Variants in HSPA4 observed in about 807,000 individuals in gnomAD.
The protein encoded by HSPA4 is heat shock 70 kDa protein 4.
Under a neutral mutation model 106.2 loss-of-function variants are expected in HSPA4, and 25 were observed. The ratio of observed to expected loss-of-function variants is 0.24; its 90% CI spans 0.17 to 0.33. HSPA4 has a LOEUF of 0.33. Ranked by LOEUF, HSPA4 falls within the 10% of genes least tolerant of loss-of-function variation. The pLI is 1.00. For missense variants in HSPA4, 841 were observed against 996.0 expected (o/e 0.84, Z 2.10); for synonymous variants, 332 against 333.6 (o/e 1.00, Z 0.05).
intron 7 of HSPA4, among the ~76,000 whole-genome samples, chr5:133,082,535 C>T (rs1048640011): frequency 1.4e-4 from 22 of 152,036 alleles, no homozygotes; most frequent in African/African-American, 4.6e-4. Context: ...GTACTATCTC[C>T]GCTCACTGCA....
chr5:133,053,772 G>A (rs886631490), intron 1 of HSPA4, among the ~76,000 whole-genome samples: 2 of 151,996 alleles, frequency 1.3e-5, no homozygotes, highest in Non-Finnish European at 2.9e-5. Flanking sequence ...CGATTCTCCT[G>A]CCTCAGTCTC....
rs57230598 is a variant in HSPA4, at chr5:133,092,806, GTTTTTTTTTTTT to G, written c.1650+38_1650+49del. On this transcript the variant is annotated intron_variant, in intron 13 of 18. Coordinates refer to ENST00000304858, the MANE Select transcript of HSPA4 (RefSeq NM_002154.4). ...GAAATGGAGGTATGCATTGGGTGGT[GTTTTTTTTTTTT>G]TTTTTTTTTTTTTTTTTTTTGAGAC... 2.7e-3 allele frequency: 1,295 copies of G among 473,488 alleles called. 7 individuals are homozygous for G. The highest frequency in any genetic ancestry group is 3.4e-3 in the Middle Eastern group (8 of 2,364). 29.3% of individuals were successfully genotyped at this position (473,488 alleles called of 1,614,324 possible).
chr5:133,064,864 G>A (rs1480278981), intron 1 of HSPA4, 116 bp from the exon 2 acceptor site: 1 of 927,264 alleles, frequency 1.1e-6, no homozygotes, highest in African/African-American at 1.7e-5. Flanking sequence ...CAAAATCATA[G>A]ATTTGTACCA....
intron 6 of HSPA4, among the ~76,000 whole-genome samples, chr5:133,074,768 C>T (rs1765426626): frequency 6.6e-6 from 1 of 152,258 alleles, no homozygotes; most frequent in South Asian, 2.1e-4. Flanking sequence ...GTTTTGTACA[C>T]ACAGAAGTAT....
intron 1 of HSPA4, among the ~76,000 whole-genome samples, chr5:133,056,611 A>G (rs904087857): frequency 2.0e-5 from 3 of 152,224 alleles, no homozygotes; most frequent in African/African-American, 7.2e-5. Flanking sequence ...TTTTCTTCAA[A>G]CAGGTTATTT....
At chr5:133,055,894 A>G (rs1561574695) in intron 1 of HSPA4, among the ~76,000 whole-genome samples, 1 of 152,108 alleles carries the variant, frequency 6.6e-6, no homozygotes, top group African/African-American at 2.4e-5. Flanking sequence ...CCTGGCCAAC[A>G]TGCTGGAACC....
chr5:133,064,702 G>A (rs1183606166), intron 1 of HSPA4, among the ~76,000 whole-genome samples: 1 of 152,178 alleles, frequency 6.6e-6, no homozygotes, highest in Non-Finnish European at 1.5e-5. Context: ...GACTTGAAAA[G>A]TAATTAGAGG....
chr5:133,095,959 A>G, intron 13 of HSPA4, 139 bp from the exon 14 acceptor site: 3 of 605,638 alleles, frequency 5.0e-6, no homozygotes, highest in South Asian at 5.3e-5. Context: ...TCTAGATGTT[A>G]TGGTAGTCCT....
intron 7 of HSPA4, among the ~76,000 whole-genome samples, chr5:133,079,475 G>GT (rs1359346447): frequency 5.3e-5 from 8 of 152,092 alleles, no homozygotes; most frequent in Admixed American, 2.0e-4. Flanking sequence ...TACTTAATTT[G>GT]TTTTTTTGGG....
intron 1 of HSPA4, among the ~76,000 whole-genome samples, chr5:133,061,625 C>G (rs1402001820): frequency 6.6e-6 from 1 of 151,692 alleles, no homozygotes; most frequent in Non-Finnish European, 1.5e-5. Context: ...GGATTACCAC[C>G]CCTCCCCACC....
chr5:133,093,974 C>T (rs920664258), intron 13 of HSPA4, among the ~76,000 whole-genome samples: 1 of 152,088 alleles, frequency 6.6e-6, no homozygotes, highest in Non-Finnish European at 1.5e-5. Context: ...ACGCTGGTAG[C>T]TCCAGCCACC....
intron 7 of HSPA4, among the ~76,000 whole-genome samples, chr5:133,084,334 T>A (rs1208597712): frequency 2.0e-5 from 3 of 152,244 alleles, no homozygotes; most frequent in Non-Finnish European, 4.4e-5. Context: ...GGACAGTGAC[T>A]CTTTAGCTTT....
In HSPA4 at chr5:133,076,792, C is replaced by A. The variant is rs199586152; in HGVS notation, c.802C>A (p.Gln268Lys). 1 of 1,613,918 alleles carries A rather than the reference C, an allele frequency of 6.2e-7. No homozygotes were observed. Among genetic ancestry groups the A allele is most frequent in the South Asian group, 1.1e-5 (1 of 91,056 alleles). ...SKIRALLRLS[Q>K]ECEKLKKLMS... ...AATCCGTGCATTATTACGACTCTCT[C>A]AGGAGTGTGAGAAACTCAAGAAATT... Residue 268 changes from glutamine (Q) to lysine (K), a missense_variant, in exon 7 of 19, where the codon CAG (glutamine) becomes AAG (lysine). This residue lies in a region of HSPA4 where 347 missense variants were observed against 408.7 expected (regional missense o/e 0.85). Coordinates refer to ENST00000304858, the MANE Select transcript of HSPA4 (RefSeq NM_002154.4).
chr5:133,096,534 C>T (rs1212903339), intron 14 of HSPA4, among the ~76,000 whole-genome samples: 1 of 152,062 alleles, frequency 6.6e-6, no homozygotes, highest in Non-Finnish European at 1.5e-5. Flanking sequence ...TTTTTGAATA[C>T]GTGGGTATAT....
rs954450469 is a variant in HSPA4, at chr5:133,104,513, G to A, written c.*77G>A. On this transcript the variant is annotated 3_prime_UTR_variant, in exon 19 of 19. Transcript: ENST00000304858. ...AACTTTGTTCTAAATATCAACTAGC[G>A]CAAGTGAATACTGAAGATTTCTTAG... 143 of 1,301,800 alleles carry A rather than the reference G, an allele frequency of 1.1e-4. No homozygotes were observed. Among genetic ancestry groups the A allele is most frequent in the Admixed American group, 4.3e-4 (22 of 51,130 alleles). The allele number at this position is 1,301,800 out of a possible 1,614,324, so 80.6% of individuals were successfully genotyped here.
At chr5:133,055,939 G>T (rs1287035959) in intron 1 of HSPA4, among the ~76,000 whole-genome samples, 1 of 152,112 alleles carries the variant, frequency 6.6e-6, no homozygotes, top group Non-Finnish European at 1.5e-5. Flanking sequence ...TTAGCTGGGT[G>T]TGGTGGCGGG....
In HSPA4 at chr5:133,102,580, G is replaced by C. The variant is rs149716253; in HGVS notation, c.2157+702G>C. On this transcript the variant is annotated intron_variant, in intron 17 of 18. Coordinates refer to ENST00000304858, the MANE Select transcript of HSPA4 (RefSeq NM_002154.4). ...CTCACTTTCCTTAAGCAACATTCAG[G>C]GTCACTAAATTGGGAGAACTGTCAT... 2.0e-3 allele frequency among the ~76,000 whole-genome samples: 303 copies of C among 152,128 alleles called. 1 individual carries two copies. Among genetic ancestry groups the C allele is most frequent in the Middle Eastern group, 3.4e-3 (1 of 294 alleles).
chr5:133,092,498 C>T (rs1765658359), intron 12 of HSPA4, among the ~76,000 whole-genome samples: 1 of 152,128 alleles, frequency 6.6e-6, no homozygotes, highest in Admixed American at 6.6e-5. Flanking sequence ...CGAGTGTTAT[C>T]CTCATTGTAC....
At chr5:133,061,746 A>AGTC (rs1370143140) in intron 1 of HSPA4, among the ~76,000 whole-genome samples, 1 of 152,002 alleles carries the variant, frequency 6.6e-6, no homozygotes, top group African/African-American at 2.4e-5. Flanking sequence ...CAGCCTCCCG[A>AGTC]GTAGCTGGGA....
Sources: gnomAD v4.1 joint callset for allele counts (sites outside exome capture counted in the v4.1 genomes callset) on GRCh38, gnomAD v4.1.1 for gene constraint, gnomAD v4.1.1 regional missense constraint, MANE v1.5 for transcripts, NCBI Gene and HGNC (gene_info 2026-07-23, HGNC 2026-07-21) for gene names.